Variants in VPS26C observed in about 807,000 individuals in gnomAD.
VPS26C encodes VPS26 endosomal protein sorting factor C, also known as vacuolar protein sorting-associated protein 26C.
A neutral mutation model predicts 30.6 loss-of-function variants in VPS26C; 19 were observed. That is an observed-to-expected ratio of 0.62 (90% CI 0.43 to 0.91). The LOEUF (loss-of-function observed/expected upper bound fraction) is 0.91, where lower values mean the gene tolerates loss of function less well. Among genes scored for constraint, VPS26C ranks in the 40% least tolerant of loss-of-function variants. The probability of loss-of-function intolerance (pLI) is 0.00; values close to 1 mark genes in which losing one functional copy is unlikely to be tolerated. For synonymous variants in VPS26C, 132 were observed against 151.5 expected (o/e 0.87, Z 0.95); for missense variants, 318 against 385.1 (o/e 0.83, Z 1.46).
intron 5 of VPS26C, among the ~76,000 whole-genome samples, chr21:37,229,795 C>T (rs1434201691): frequency 6.6e-6 from 1 of 152,154 alleles, no homozygotes; most frequent in Non-Finnish European, 1.5e-5. Flanking sequence ...ACCTGAAAAG[C>T]CCGGGACTCT....
chr21:37,265,901 G>A (rs2086354547), intron 1 of VPS26C, among the ~76,000 whole-genome samples: 2 of 145,576 alleles, frequency 1.4e-5, no homozygotes, highest in African/African-American at 5.1e-5. Context: ...TATAAAGGTA[G>A]CTTTTTCTCT....
At chr21:37,242,676 T>C (rs1166322430) in intron 1 of VPS26C, among the ~76,000 whole-genome samples, 1 of 152,240 alleles carries the variant, frequency 6.6e-6, no homozygotes, top group African/African-American at 2.4e-5. Flanking sequence ...CAAAATAATT[T>C]GTGAGCTTTA....
intron 1 of VPS26C, among the ~76,000 whole-genome samples, chr21:37,259,537 T>C (rs552076995): frequency 1.5e-4 from 23 of 152,350 alleles, no homozygotes; most frequent in African/African-American, 4.3e-4. Context: ...ATATTTACAC[T>C]ACAGAAAGAT....
At position 37,226,375 on chromosome 21, in the gene VPS26C, G is replaced by A. The variant is rs2085899630; in HGVS notation, c.812-749C>T. 6.6e-6 allele frequency: 1 copy of A among 152,320 alleles called. No homozygotes were observed. Among genetic ancestry groups the A allele is most frequent in the Non-Finnish European group, 1.5e-5 (1 of 68,116 alleles). 9.4% of individuals were successfully genotyped at this position (152,320 alleles called of 1,614,324 possible). A position where few individuals can be genotyped will look rare whatever the true frequency, so the allele number is the denominator to read the frequency against. On this transcript the variant is annotated intron_variant, in intron 7 of 7. Transcript: ENST00000309117. This position sits in a 1 kb window ranked among gnomAD's most constrained non-coding sequence, Gnocchi z 4.1. ...TGCCCACCTGTGGCTGGGGTCTGCA[G>A]GACAACATCCCCGTGTGGGAGTGTC...
chr21:37,231,244 CCT>C (rs1279894635), intron 5 of VPS26C, among the ~76,000 whole-genome samples: 4 of 152,178 alleles, frequency 2.6e-5, no homozygotes, highest in African/African-American at 7.2e-5. Flanking sequence ...AGAACCAACC[CCT>C]GAGAAACAGA....
intron 3 of VPS26C, chr21:37,237,312 T>C (rs2086035527): frequency 6.6e-6 from 1 of 152,214 alleles, no homozygotes. Context: ...ATAAAGCAAG[T>C]CGATACTGAT....
chr21:37,261,967 A>G (rs2086308881), intron 1 of VPS26C: 1 of 152,190 alleles, frequency 6.6e-6, no homozygotes, highest in South Asian at 2.1e-4. Flanking sequence ...AACTTAAGGT[A>G]CGAAGTACTA....
In VPS26C at chr21:37,226,223, C is replaced by T. The variant is rs139198158; in HGVS notation, c.812-597G>A. ...ATGTGTGTGAAGAGGAAGCACCTGA[C>T]GACAAACAAGCACCATCTCCTTCCC... On this transcript the variant is annotated intron_variant, in intron 7 of 7. Coordinates refer to ENST00000309117, the MANE Select transcript of VPS26C (RefSeq NM_006052.2). The surrounding 1 kb of genome is among the most constrained non-coding windows in gnomAD (Gnocchi z 4.1). 9 of 153,768 alleles carry T rather than the reference C, an allele frequency of 5.9e-5. No homozygotes were observed. The South Asian group carries it at 1.6e-3, about 28-fold the overall frequency. 9.5% of individuals were successfully genotyped at this position (153,768 alleles called of 1,614,324 possible).
In VPS26C at chr21:37,257,257, G is replaced by A. The variant is rs1488921194; in HGVS notation, c.57+9981C>T. The stretch of plus-strand genomic sequence containing the variant: ...AAATGTTCTGGAAAAAGTAAAAAAG[G>A]ATCAGGATCTGAGGTCAACTGACCT... On this transcript the variant is annotated intron_variant, in intron 1 of 7. Transcript: ENST00000309117. The surrounding 1 kb of genome is among the most constrained non-coding windows in gnomAD (Gnocchi z 4.2). Among the ~76,000 whole-genome samples, 1 of 152,212 alleles carries A rather than the reference G, an allele frequency of 6.6e-6. No individual in the cohort carries two copies. Among genetic ancestry groups the A allele is most frequent in the Non-Finnish European group, 1.5e-5 (1 of 68,038 alleles).
At position 37,226,796 on chromosome 21, in the gene VPS26C, A is replaced by C. The variant is rs1219529044; in HGVS notation, c.811+858T>G. 1.3e-5 allele frequency: 2 copies of C among 151,848 alleles called. No individual in the cohort carries two copies. The highest frequency in any genetic ancestry group is 2.9e-5 in the Non-Finnish European group (2 of 67,968). 9.4% of individuals were successfully genotyped at this position (151,848 alleles called of 1,614,324 possible). ...TGCTCTTGATGTGGATGCAGTGCTC[A>C]CTCCTGACTTCCAACCTAGAGGTCC... On this transcript the variant is annotated intron_variant, in intron 7 of 7. Transcript: ENST00000309117. This position sits in a 1 kb window ranked among gnomAD's most constrained non-coding sequence, Gnocchi z 4.1.
intron 1 of VPS26C, among the ~76,000 whole-genome samples, chr21:37,241,611 A>C (rs1442153755): frequency 1.3e-5 from 2 of 152,134 alleles, no homozygotes; most frequent in African/African-American, 4.8e-5. Flanking sequence ...TGAGCCTAGG[A>C]GTTTGAGACC....
At chr21:37,247,625 G>A (rs1198818930) in intron 1 of VPS26C, among the ~76,000 whole-genome samples, 1 of 152,118 alleles carries the variant, frequency 6.6e-6, no homozygotes, top group Non-Finnish European at 1.5e-5. Context: ...TAACAAATGA[G>A]CCAAATTAAT....
intron 3 of VPS26C, among the ~76,000 whole-genome samples, chr21:37,234,073 G>C (rs138565813): frequency 6.6e-6 from 1 of 152,338 alleles, no homozygotes; most frequent in Admixed American, 6.5e-5. Context: ...TGCTCTGAGT[G>C]CATAGCACTG....
chr21:37,240,391 C>T (rs1345518132), intron 2 of VPS26C, 105 bp downstream of exon 2: 2 of 1,331,538 alleles, frequency 1.5e-6, no homozygotes, highest in Non-Finnish European at 2.1e-6. Context: ...TCCCAAATTA[C>T]TGAGATTACA....
chr21:37,259,465 TGA>T, intron 1 of VPS26C, among the ~76,000 whole-genome samples: 1 of 152,318 alleles, frequency 6.6e-6, no homozygotes, highest in Middle Eastern at 3.4e-3. Context: ...GTCATTTTCA[TGA>T]GTACATGTGC....
chr21:37,244,912 C>G (rs1033067553), intron 1 of VPS26C, among the ~76,000 whole-genome samples: 10 of 152,198 alleles, frequency 6.6e-5, no homozygotes, highest in Non-Finnish European at 1.0e-4. Flanking sequence ...CCTGTCAACC[C>G]GCCCCATGCT....
At chr21:37,263,242 T>G (rs1387644766) in intron 1 of VPS26C, among the ~76,000 whole-genome samples, 1 of 152,186 alleles carries the variant, frequency 6.6e-6, no homozygotes, top group Non-Finnish European at 1.5e-5. Flanking sequence ...ACAACTAAGA[T>G]ACTGAAAAGC....
chr21:37,225,565 C>A lies in VPS26C; in HGVS notation c.873G>T (p.Pro291=). 2 of 1,614,050 alleles carry A rather than the reference C, an allele frequency of 1.2e-6. No individual in the cohort carries two copies. Among genetic ancestry groups the A allele is most frequent in the Non-Finnish European group, 1.7e-6 (2 of 1,179,972 alleles). Residue 291 remains proline (P), a synonymous_variant, in exon 8 of 8, where the codon CCG becomes CCT. Transcript: ENST00000309117. ...HPDHLITENF[P]LKLCRI Reference sequence around the variant, plus strand: ...CGGGCTATATCCTGCAGAGCTTCAGCGGGAAGTTCTCCGTGATGAGGTGGT... The same window carrying A: ...CGGGCTATATCCTGCAGAGCTTCAGAGGGAAGTTCTCCGTGATGAGGTGGT...
chr21:37,228,659 C>G (rs2085930445), intron 5 of VPS26C: 1 of 284,284 alleles, frequency 3.5e-6, no homozygotes, highest in East Asian at 8.4e-5. Flanking sequence ...AAAGCTCCTT[C>G]TTACCAAGGA....
Sources: gnomAD v4.1 joint callset for allele counts (sites outside exome capture counted in the v4.1 genomes callset) on GRCh38, gnomAD v4.1.1 for gene constraint, Gnocchi (gnomAD v3.1) non-coding constraint, MANE v1.5 for transcripts, NCBI Gene and HGNC (gene_info 2026-07-23, HGNC 2026-07-21) for gene names.